Variants in POLR1C observed in about 807,000 individuals in gnomAD.
POLR1C encodes DNA-directed RNA polymerases I and III subunit RPAC1.
POLR1C carries 42 observed loss-of-function variants against 38.3 expected under a neutral mutation model. The observed-to-expected ratio is 1.10, with a 90% CI of 0.86 to 1.42. The LOEUF (loss-of-function observed/expected upper bound fraction) is 1.42. Ranked by LOEUF, POLR1C falls within the 40% of genes most tolerant of loss-of-function variation. The probability of loss-of-function intolerance (pLI) is 0.00; values close to 1 mark genes in which losing one functional copy is unlikely to be tolerated. For synonymous variants in POLR1C, 163 were observed against 163.9 expected (o/e 0.99, Z 0.04); for missense variants, 507 against 450.5 (o/e 1.13, Z -1.14).
At chr6:43,525,795 C>T (rs770932313), downstream of POLR1C, 3 of 1,595,576 alleles carry the variant, frequency 1.9e-6, no homozygotes, top group African/African-American at 1.3e-5. Flanking sequence ...GGTGACTCCC[C>T]ACCTGGGCAA....
chr6:43,523,105 T>C (rs776742253), downstream of POLR1C: 6 of 165,162 alleles, frequency 3.6e-5, no homozygotes, highest in Admixed American at 2.2e-4. Flanking sequence ...GTACTGTGGC[T>C]CTTGTGCCTG....
At chr6:43,522,126 C>T (rs544827308), downstream of POLR1C, among the ~76,000 whole-genome samples, 4 of 152,306 alleles carry the variant, frequency 2.6e-5, no homozygotes, top group African/African-American at 7.2e-5. Flanking sequence ...CAGCCACACA[C>T]GAAAGACACT....
At chr6:43,526,909 G>A (rs1017635980) in intron 8 of POLR1C, 3 of 681,030 alleles carry the variant, frequency 4.4e-6, no homozygotes, top group African/African-American at 3.6e-5. Context: ...TAGAAATAGA[G>A]GCATTCTGAT....
intron 9 of POLR1C, among the ~76,000 whole-genome samples, chr6:43,536,377 T>C (rs1285088895): frequency 6.6e-6 from 1 of 151,516 alleles, no homozygotes; most frequent in East Asian, 1.9e-4. Context: ...ATTGTGCCAC[T>C]GCACTCCAGC....
intron 10 of POLR1C, chr6:43,553,518 C>A: frequency 6.5e-7 from 1 of 1,542,098 alleles, no homozygotes; most frequent in Non-Finnish European, 8.7e-7. Context: ...AAAACACACA[C>A]ACACACATAC....
chr6:43,540,475 T>C (rs904527688), intron 9 of POLR1C, among the ~76,000 whole-genome samples: 10 of 150,640 alleles, frequency 6.6e-5, no homozygotes, highest in African/African-American at 2.2e-4. Flanking sequence ...CAAGACTCCG[T>C]CTCAAAATAA....
downstream of POLR1C, chr6:43,524,942 A>G (rs767584568): frequency 2.5e-6 from 4 of 1,613,704 alleles, no homozygotes; most frequent in Non-Finnish European, 3.4e-6. Context: ...ACGTAACTGC[A>G]TCTGCGAGCA....
rs369463612 is a variant in POLR1C, at chr6:43,551,638, C to T, written c.*48+627C>T. 3.2e-4 allele frequency among the ~76,000 whole-genome samples: 49 copies of T among 152,300 alleles called. No individual in the cohort carries two copies. The South Asian group carries it at 9.3e-3, about 29-fold the overall frequency. ...CTCTTGAGCTCAAGGGATCCTCCTG[C>T]CTTAGCCTCCTGAGTAGCTAGGACT... On this transcript the variant is annotated intron_variant, in intron 10 of 10. Coordinates refer to the POLR1C transcript ENST00000607635.
At chr6:43,531,661 C>T (rs1311934798), downstream of POLR1C, 4 of 1,186,620 alleles carry the variant, frequency 3.4e-6, no homozygotes, top group African/African-American at 1.5e-5. Flanking sequence ...AGCTGTTGTT[C>T]AGGGGTGAAG....
intron 10 of POLR1C, chr6:43,560,314 A>G: frequency 2.5e-6 from 4 of 1,584,954 alleles, no homozygotes; most frequent in Non-Finnish European, 3.4e-6. Context: ...CTAAAGAGAA[A>G]AAAAAAAGAA....
chr6:43,530,825 CTG>C, downstream of POLR1C: 3 of 1,608,500 alleles, frequency 1.9e-6, no homozygotes, highest in Non-Finnish European at 2.5e-6. Flanking sequence ...GATATGAAAA[CTG>C]TAAAGGGGAA....
chr6:43,528,684 T>G (rs1029296579), intron 8 of POLR1C: 6 of 742,330 alleles, frequency 8.1e-6, no homozygotes, highest in Non-Finnish European at 1.4e-5. Context: ...ACAGCAAGGA[T>G]AGTCAGCTGG....
At chr6:43,524,976 G>GAA, downstream of POLR1C, 1 of 1,612,394 alleles carries the variant, frequency 6.2e-7, no homozygotes, top group Non-Finnish European at 8.5e-7. Flanking sequence ...CACCTGGGGA[G>GAA]ACAACTGTGC....
intron 10 of POLR1C, among the ~76,000 whole-genome samples, chr6:43,559,961 T>C (rs1329713337): frequency 6.6e-6 from 1 of 152,148 alleles, no homozygotes; most frequent in Non-Finnish European, 1.5e-5. Context: ...GGTCTACAGG[T>C]GCATACCAAC....
rs1415544946 is a variant in POLR1C, at chr6:43,520,261, T to G, written c.503-14T>G. 1.2e-6 allele frequency: 2 copies of G among 1,613,262 alleles called. No homozygotes were observed. Among genetic ancestry groups the G allele is most frequent in the South Asian group, 1.1e-5 (1 of 91,088 alleles). Reference sequence around the variant, plus strand: ...TTTTAGGGACTGAGATCTTCTGACATGTTTTTCCTCCAGTGTATACCAGGC... The same window carrying G: ...TTTTAGGGACTGAGATCTTCTGACAGGTTTTTCCTCCAGTGTATACCAGGC... On this transcript the variant is annotated splice_polypyrimidine_tract_variant and intron_variant, in intron 5 of 8. Transcript: ENST00000642195.
chr6:43,561,051 G>C, intron 10 of POLR1C: 1 of 1,482,470 alleles, frequency 6.7e-7, no homozygotes, highest in South Asian at 1.1e-5. Flanking sequence ...ATCGAGAAAA[G>C]CAGGAGAGGA....
chr6:43,556,049 A>G, intron 10 of POLR1C: 1 of 1,537,778 alleles, frequency 6.5e-7, no homozygotes. Context: ...TTACCACCCT[A>G]GGGGAAAAGC....
At chr6:43,517,857 A>G (rs950673380) in intron 2 of POLR1C, among the ~76,000 whole-genome samples, 1 of 152,202 alleles carries the variant, frequency 6.6e-6, no homozygotes, top group Non-Finnish European at 1.5e-5. Flanking sequence ...TTAGCTTAAA[A>G]TAAGGGTTAA....
At chr6:43,530,654 C>A, downstream of POLR1C, 1 of 1,604,696 alleles carries the variant, frequency 6.2e-7, no homozygotes, top group Admixed American at 1.7e-5. Context: ...ATTTTCTGAC[C>A]TTTTGGGTTA....
Sources: gnomAD v4.1 joint callset for allele counts (sites outside exome capture counted in the v4.1 genomes callset) on GRCh38, gnomAD v4.1.1 for gene constraint, MANE v1.5 for transcripts, NCBI Gene and HGNC (gene_info 2026-07-23, HGNC 2026-07-21) for gene names.